MBD5: variants seen among roughly 807,000 people sequenced by gnomAD.
MBD5 encodes the protein methyl-CpG-binding domain protein 5.
In MBD5, 13 loss-of-function variants were observed where a neutral mutation model predicts 117.3. The observed-to-expected ratio is 0.11, with a 90% confidence interval of 0.07 to 0.18. MBD5 has a LOEUF of 0.18. Among genes scored for constraint, MBD5 ranks in the 10% least tolerant of loss-of-function variants. The pLI, the probability that MBD5 is intolerant of heterozygous loss-of-function variation, is 1.00. For synonymous variants in MBD5, 727 were observed against 766.4 expected (o/e 0.95, Z 0.85); for missense variants, 1,879 against 2,093.8 (o/e 0.90, Z 2.00).
chr2:148,111,882 G>T (rs1342063692), intron 1 of MBD5, among the ~76,000 whole-genome samples: 1 of 151,986 alleles, frequency 6.6e-6, no homozygotes, highest in Non-Finnish European at 1.5e-5. Flanking sequence ...TTATAAATTA[G>T]AGACACAGAT....
intron 1 of MBD5, among the ~76,000 whole-genome samples, chr2:148,158,464 G>C (rs943496279): frequency 6.6e-6 from 1 of 152,130 alleles, no homozygotes; most frequent in Non-Finnish European, 1.5e-5. Context: ...CTCTGATTTT[G>C]TCAATGGTCT....
At chr2:148,491,541 A>C (rs921188090) in intron 11 of MBD5, among the ~76,000 whole-genome samples, 3 of 152,048 alleles carry the variant, frequency 2.0e-5, no homozygotes, top group African/African-American at 7.3e-5. Context: ...AACTGTGCTC[A>C]AACTTTCACT....
chr2:148,133,892 A>G (rs1247061826), intron 1 of MBD5, among the ~76,000 whole-genome samples: 1 of 152,164 alleles, frequency 6.6e-6, no homozygotes, highest in African/African-American at 2.4e-5. Context: ...CAAGTTACAT[A>G]TACTACTTTT....
At chr2:148,325,728 T>C (rs1324803813) in intron 3 of MBD5, among the ~76,000 whole-genome samples, 1 of 152,176 alleles carries the variant, frequency 6.6e-6, no homozygotes, top group Non-Finnish European at 1.5e-5. Context: ...TTCTCTCTTT[T>C]TTTCTTTATT....
chr2:148,305,833 G>T (rs1701877528), intron 3 of MBD5, among the ~76,000 whole-genome samples: 1 of 152,090 alleles, frequency 6.6e-6, no homozygotes, highest in African/African-American at 2.4e-5. Context: ...TCTGGATCCC[G>T]TCCAGTTTAC....
chr2:148,230,187 C>T (rs1558982586), intron 2 of MBD5, among the ~76,000 whole-genome samples: 1 of 152,176 alleles, frequency 6.6e-6, no homozygotes, highest in Non-Finnish European at 1.5e-5. Context: ...ATGCAGGAGC[C>T]AGGGACTAGA....
chr2:148,135,185 A>G (rs11685710), intron 1 of MBD5, among the ~76,000 whole-genome samples: 56,865 of 152,148 alleles, frequency 0.37, 11,398 homozygotes, highest in South Asian at 0.5. Flanking sequence ...TCTTTAGAAT[A>G]TAGGAAGTTT....
At chr2:148,247,591 A>G (rs781574158) in intron 3 of MBD5, among the ~76,000 whole-genome samples, 3 of 152,156 alleles carry the variant, frequency 2.0e-5, no homozygotes, top group Non-Finnish European at 1.5e-5. Context: ...GAGTGGTGGT[A>G]TACAGTGGTA....
chr2:148,215,582 C>T (rs1209722452), intron 2 of MBD5, among the ~76,000 whole-genome samples: 1 of 151,830 alleles, frequency 6.6e-6, no homozygotes, highest in African/African-American at 2.4e-5. Context: ...GTCACCCAGG[C>T]ACCATCATAC....
chr2:148,297,017 G>A (rs976867478), intron 3 of MBD5, among the ~76,000 whole-genome samples: 3 of 151,324 alleles, frequency 2.0e-5, no homozygotes, highest in Non-Finnish European at 4.4e-5. Flanking sequence ...TGGGATTACA[G>A]GCACCTGCCA....
At chr2:148,219,867 A>G (rs1484292416) in intron 2 of MBD5, 1 of 152,220 alleles carries the variant, frequency 6.6e-6, no homozygotes, top group Non-Finnish European at 1.5e-5. Flanking sequence ...TAGGATAGTC[A>G]AATATTATCA....
intron 1 of MBD5, among the ~76,000 whole-genome samples, chr2:148,122,087 A>G (rs928731784): frequency 6.6e-6 from 1 of 152,112 alleles, no homozygotes; most frequent in Non-Finnish European, 1.5e-5. Context: ...ATTCTTTTAA[A>G]ACTCTAGATT....
At chr2:148,432,615 G>A (rs1012035899) in intron 4 of MBD5, among the ~76,000 whole-genome samples, 1 of 151,930 alleles carries the variant, frequency 6.6e-6, no homozygotes, top group Non-Finnish European at 1.5e-5. Context: ...AACATTTATT[G>A]AATGGGGAAT....
chr2:148,505,076 G>A (rs1221948239), intron 12 of MBD5, among the ~76,000 whole-genome samples: 1 of 152,298 alleles, frequency 6.6e-6, no homozygotes, highest in East Asian at 1.9e-4. Context: ...AGTTGGGGAT[G>A]AGGATGGAAA....
chr2:148,496,632 T>C (rs1681711203), intron 11 of MBD5, among the ~76,000 whole-genome samples: 1 of 152,242 alleles, frequency 6.6e-6, no homozygotes, highest in African/African-American at 2.4e-5. Context: ...TACAAGTTTA[T>C]CTGAAACATT....
intron 4 of MBD5, among the ~76,000 whole-genome samples, chr2:148,363,996 C>T (rs982406521): frequency 9.9e-5 from 15 of 152,094 alleles, no homozygotes; most frequent in South Asian, 2.1e-4. Flanking sequence ...ATACAGAGAA[C>T]GCCACAAAGA....
intron 1 of MBD5, among the ~76,000 whole-genome samples, chr2:148,101,961 T>C (rs1056000723): frequency 6.6e-6 from 1 of 152,208 alleles, no homozygotes; most frequent in African/African-American, 2.4e-5. Context: ...CATACTTGCA[T>C]ATTTAGCCAT....
At chr2:148,304,218 A>C (rs1366482075) in intron 3 of MBD5, among the ~76,000 whole-genome samples, 2 of 152,218 alleles carry the variant, frequency 1.3e-5, no homozygotes, top group Non-Finnish European at 2.9e-5. Flanking sequence ...ACATATATTA[A>C]TTCATTTAAT....
intron 1 of MBD5, among the ~76,000 whole-genome samples, chr2:148,034,298 T>G (rs1279587984): frequency 6.6e-6 from 1 of 152,220 alleles, no homozygotes; most frequent in Non-Finnish European, 1.5e-5. Context: ...TGTGCATTTT[T>G]CAGGGATTGA....
Sources: allele counts gnomAD v4.1 joint callset (sites outside exome capture counted in the v4.1 genomes callset), GRCh38; gene constraint gnomAD v4.1.1; transcripts MANE v1.5; gene names NCBI Gene and HGNC (gene_info 2026-07-23, HGNC 2026-07-21).